COL4A5: variants seen among roughly 807,000 people sequenced by gnomAD.
COL4A5 encodes the protein collagen type IV alpha 5 chain.
COL4A5 carries 26 observed loss-of-function variants against 130.2 expected under a neutral mutation model. The ratio of observed to expected loss-of-function variants is 0.20; its 90% CI spans 0.15 to 0.28. The LOEUF is 0.28. Among genes scored for constraint, COL4A5 ranks in the 10% least tolerant of loss-of-function variants. COL4A5 has a pLI of 1.00. For synonymous variants in COL4A5, 496 were observed against 439.6 expected (o/e 1.13, Z -1.60); for missense variants, 1,131 against 1,344.3 (o/e 0.84, Z 2.48).
intron 1 of COL4A5, among the ~76,000 whole-genome samples, chrX:108,455,502 A>G (rs1283334763): frequency 8.9e-6 from 1 of 112,351 alleles, no homozygotes; most frequent in African/African-American, 3.2e-5. Flanking sequence ...TATACCAATC[A>G]TATATACTTT....
chrX:108,577,551 A>C (rs182501247), intron 10 of COL4A5, among the ~76,000 whole-genome samples: 1 of 111,120 alleles, frequency 9.0e-6, no homozygotes, highest in East Asian at 2.8e-4. Context: ...TAAAAATCAA[A>C]CTGGATTTTA....
intron 1 of COL4A5, among the ~76,000 whole-genome samples, chrX:108,459,657 C>G (rs2064623380): frequency 1.8e-5 from 2 of 112,296 alleles, no homozygotes; most frequent in Admixed American, 1.9e-4. Flanking sequence ...AGTATAAGAG[C>G]TACCTCAAGA....
At chrX:108,495,713 C>T (rs1287848024) in intron 1 of COL4A5, among the ~76,000 whole-genome samples, 1 of 112,003 alleles carries the variant, frequency 8.9e-6, no homozygotes, top group African/African-American at 3.2e-5. Context: ...ATTTTAATAG[C>T]CAAGTGGATA....
At chrX:108,694,509 T>C (rs1425788621) in intron 50 of COL4A5, 4 of 323,798 alleles carry the variant, frequency 1.2e-5, no homozygotes, top group African/African-American at 1.1e-4. Context: ...AACCAAACTC[T>C]TACGGCAATT....
chrX:108,576,010 CT>C, intron 10 of COL4A5, 38 bp downstream of exon 10: 1 of 852,053 alleles, frequency 1.2e-6, no homozygotes, highest in Non-Finnish European at 1.7e-6. Context: ...CCCCCCTTTC[CT>C]TTCTGACTTC....
Position 108,677,630 on chromosome X carries a change from C to T in COL4A5, c.3939C>T (p.Leu1313=), listed in dbSNP as rs745900391. 1 of 1,208,200 alleles carries T rather than the reference C, an allele frequency of 8.3e-7. No homozygotes were observed. The highest frequency in any genetic ancestry group is 1.8e-5 in the African/African-American group (1 of 57,117). Reference sequence around the variant, plus strand: ...AAGGAGATCAAGGACCACCAGGACTCCAGGTAGGAAATGGAAGTAGATATC... The same window carrying T: ...AAGGAGATCAAGGACCACCAGGACTTCAGGTAGGAAATGGAAGTAGATATC... ...GLKGDQGPPG[L]QGNPGRPGLN... The change falls in exon 44 of 53, where the codon CTC becomes CTT. Residue 1313 remains leucine (L), a synonymous_variant. Coordinates refer to ENST00000328300, the MANE Select transcript of COL4A5 (RefSeq NM_033380.3).
chrX:108,531,537 C>T (rs1047618392), intron 1 of COL4A5, among the ~76,000 whole-genome samples: 17 of 108,848 alleles, frequency 1.6e-4, no homozygotes, highest in Non-Finnish European at 3.1e-4. Context: ...AGCAATGCAC[C>T]TCAAGGAACT....
chrX:108,584,523 C>A lies in COL4A5; in HGVS notation c.1030C>A (p.Leu344Ile). 1 of 1,196,754 alleles carries A rather than the reference C, an allele frequency of 8.4e-7. No individual in the cohort carries two copies. Among genetic ancestry groups the A allele is most frequent in the East Asian group, 3.0e-5 (1 of 33,620 alleles). The change falls in exon 18 of 53, where the codon CTT becomes ATT. Residue 344 changes from leucine to isoleucine, a missense_variant and splice_region_variant. By Grantham distance (5) the Leu-to-Ile change is conservative. Coordinates refer to ENST00000328300, the MANE Select transcript of COL4A5 (RefSeq NM_033380.3). ...CACTGGCCCACCTGGACCTCCTGGA[C>A]TTGTAAGTTTTTTTTTTTTAGTCTT... ...GDTGPPGPPG[L>I]VIPRPGTGIT... is the part of the protein sequence containing the mutation.
chrX:108,622,959 A>C, intron 33 of COL4A5, 134 bp downstream of exon 33: 2 of 584,769 alleles, frequency 3.4e-6, no homozygotes. Flanking sequence ...TTGGTAACAA[A>C]TATTAATTTT....
At chrX:108,659,928 T>C (rs1440978142) in intron 37 of COL4A5, among the ~76,000 whole-genome samples, 1 of 111,233 alleles carries the variant, frequency 9.0e-6, no homozygotes, top group Non-Finnish European at 1.9e-5. Flanking sequence ...TTGCTATTTG[T>C]TTTATGCTCC....
intron 21 of COL4A5, among the ~76,000 whole-genome samples, chrX:108,594,169 T>C (rs1011520523): frequency 7.1e-5 from 8 of 112,391 alleles, no homozygotes; most frequent in African/African-American, 2.6e-4. Context: ...CAGGCCACTT[T>C]AGCCTTCTAG....
chrX:108,621,052 C>CTCTTTTCTTTCTT (rs1347801794), intron 31 of COL4A5, among the ~76,000 whole-genome samples: 1 of 109,201 alleles, frequency 9.2e-6, no homozygotes, highest in East Asian at 2.9e-4. Flanking sequence ...CTCTTTCTTT[C>CTCTTTTCTTTCTT]TCTTTTCTTT....
chrX:108,667,177 C>A lies in COL4A5; in HGVS notation c.3598C>A (p.Leu1200Ile). 1 of 1,203,500 alleles carries A rather than the reference C, an allele frequency of 8.3e-7. No individual in the cohort carries two copies. The highest frequency in any genetic ancestry group is 1.1e-6 in the Non-Finnish European group (1 of 887,909). ...GNPGPPGLPG[L>I]SGQKGDGGLP... ...CCCAGGACCCCCTGGACTTCCAGGA[C>A]TTTCTGGTAAACCTTAATAAAACAT... The change falls in exon 40 of 53, where the codon CTT (leucine) becomes ATT (isoleucine). Residue 1200 changes from leucine to isoleucine, a missense_variant. Coordinates refer to ENST00000328300, the MANE Select transcript of COL4A5 (RefSeq NM_033380.3).
chrX:108,444,681 C>T (rs2064435340), intron 1 of COL4A5, among the ~76,000 whole-genome samples: 1 of 112,043 alleles, frequency 8.9e-6, no homozygotes, highest in African/African-American at 3.2e-5. Context: ...GCCCTCTCAG[C>T]AGGCAGAACT....
chrX:108,584,583 G>A (rs763518153), intron 18 of COL4A5, 58 bp downstream of exon 18: 1 of 1,002,282 alleles, frequency 1.0e-6, no homozygotes, highest in South Asian at 2.1e-5. Context: ...TATCATTTTT[G>A]TGCCTTAATC....
At chrX:108,661,322 C>T (rs1449319733) in intron 37 of COL4A5, among the ~76,000 whole-genome samples, 1 of 111,398 alleles carries the variant, frequency 9.0e-6, no homozygotes, top group East Asian at 2.8e-4. Context: ...TTTATTCTCT[C>T]TGAGTTTAAT....
At chrX:108,485,648 G>C (rs757769048) in intron 1 of COL4A5, among the ~76,000 whole-genome samples, 3 of 110,068 alleles carry the variant, frequency 2.7e-5, no homozygotes, top group Non-Finnish European at 5.7e-5. Flanking sequence ...TCTGACTGGA[G>C]CCCTATCCTA....
chrX:108,505,821 A>G, intron 1 of COL4A5, among the ~76,000 whole-genome samples: 1 of 112,549 alleles, frequency 8.9e-6, no homozygotes, highest in East Asian at 2.8e-4. Flanking sequence ...ACTTTTAAAA[A>G]GAGATAGTTT....
intron 36 of COL4A5, among the ~76,000 whole-genome samples, chrX:108,652,726 A>C (rs2147930739): frequency 8.9e-6 from 1 of 112,486 alleles, no homozygotes; most frequent in Admixed American, 9.4e-5. Context: ...AATCTTAACA[A>C]CAAAGAAGAT....
Sources: allele counts gnomAD v4.1 joint callset (sites outside exome capture counted in the v4.1 genomes callset), GRCh38; gene constraint gnomAD v4.1.1; transcripts MANE v1.5; gene names NCBI Gene and HGNC (gene_info 2026-07-23, HGNC 2026-07-21).